CCDC73: variants seen among roughly 807,000 people sequenced by gnomAD.
CCDC73 encodes the protein coiled-coil domain containing 73.
A neutral mutation model predicts 116.5 loss-of-function variants in CCDC73; 95 were observed. That is an observed-to-expected ratio of 0.82 (90% CI 0.69 to 0.97). The LOEUF (loss-of-function observed/expected upper bound fraction) is 0.97. Among genes scored for constraint, CCDC73 ranks in the 50% least tolerant of loss-of-function variants. The pLI is 0.00. For missense variants in CCDC73, 1,066 were observed against 1,206.8 expected (o/e 0.88, Z 1.73); for synonymous variants, 398 against 401.3 (o/e 0.99, Z 0.10).
At chr11:32,734,608 T>C (rs1393796222) in intron 2 of CCDC73, among the ~76,000 whole-genome samples, 1 of 151,932 alleles carries the variant, frequency 6.6e-6, no homozygotes, top group Non-Finnish European at 1.5e-5. Flanking sequence ...TACTTGAGAT[T>C]AGGGAGTGGT....
intron 1 of CCDC73, among the ~76,000 whole-genome samples, chr11:32,775,397 C>T (rs1230062198): frequency 6.6e-6 from 1 of 152,196 alleles, no homozygotes; most frequent in Non-Finnish European, 1.5e-5. Context: ...GTAAGCACCA[C>T]ACCTAATCAC....
chr11:32,629,933 A>C, intron 14 of CCDC73, among the ~76,000 whole-genome samples: 1 of 148,734 alleles, frequency 6.7e-6, no homozygotes, highest in South Asian at 2.1e-4. Context: ...AAAAAAAAAA[A>C]ACAAAAAAAA....
At chr11:32,700,568 G>C (rs1270229258) in intron 5 of CCDC73, among the ~76,000 whole-genome samples, 3 of 152,092 alleles carry the variant, frequency 2.0e-5, no homozygotes, top group Non-Finnish European at 4.4e-5. Flanking sequence ...ATCTTGTTAG[G>C]CCTCTATATT....
In CCDC73 at chr11:32,653,075, T is replaced by C. The variant is rs776042939; in HGVS notation, c.939+48A>G. The C allele has an allele frequency of 1.6e-5, 18 of 1,120,062 alleles. No homozygotes were observed. The Admixed American group carries it at 3.0e-4, about 19-fold the overall frequency. 69.4% of individuals were successfully genotyped at this position (1,120,062 alleles called of 1,614,324 possible). ...AACAGGAAGTTAATTAGTGAAAATA[T>C]ACTAAAACACAGATAGATAGACAGA... On this transcript the variant is annotated intron_variant, in intron 12 of 17. Transcript: ENST00000335185.
At chr11:32,637,704 C>CT (rs1855695477) in intron 13 of CCDC73, among the ~76,000 whole-genome samples, 1 of 151,990 alleles carries the variant, frequency 6.6e-6, no homozygotes, top group Admixed American at 6.6e-5. Context: ...GTTCTTTCTT[C>CT]TTTTTTCTTG....
At chr11:32,775,095 C>T (rs938606217) in intron 1 of CCDC73, among the ~76,000 whole-genome samples, 6 of 152,080 alleles carry the variant, frequency 3.9e-5, no homozygotes, top group Non-Finnish European at 8.8e-5. Flanking sequence ...CATCAATTTA[C>T]CAATAGAACT....
intron 3 of CCDC73, among the ~76,000 whole-genome samples, chr11:32,712,049 C>T (rs1300426754): frequency 6.6e-6 from 1 of 152,146 alleles, no homozygotes; most frequent in Non-Finnish European, 1.5e-5. Flanking sequence ...CTGCGCAATC[C>T]TTGTTATTTA....
At chr11:32,656,723 T>C (rs1855877133) in intron 9 of CCDC73, among the ~76,000 whole-genome samples, 1 of 152,192 alleles carries the variant, frequency 6.6e-6, no homozygotes, top group South Asian at 2.1e-4. Flanking sequence ...TTGTTTGTAA[T>C]CATTTTTCAA....
intron 17 of CCDC73, chr11:32,604,677 T>A (rs1462327002): frequency 6.6e-6 from 1 of 152,188 alleles, no homozygotes; most frequent in Non-Finnish European, 1.5e-5. Context: ...TTCTGGACAT[T>A]TAAATTGTAA....
chr11:32,661,469 G>C (rs1325401893), intron 9 of CCDC73, among the ~76,000 whole-genome samples: 1 of 110,926 alleles, frequency 9.0e-6, no homozygotes, highest in Admixed American at 1.2e-4. Flanking sequence ...CCCCATGACA[G>C]GCTCTAGTGT....
intron 2 of CCDC73, among the ~76,000 whole-genome samples, chr11:32,755,665 A>ATG (rs1418699071): frequency 1.5e-5 from 1 of 66,262 alleles, no homozygotes; most frequent in Non-Finnish European, 2.7e-5. Flanking sequence ...CTCCATATAT[A>ATG]TGTGTATATA....
At chr11:32,623,788 A>G (rs1359826310) in intron 14 of CCDC73, among the ~76,000 whole-genome samples, 2 of 152,196 alleles carry the variant, frequency 1.3e-5, no homozygotes, top group African/African-American at 4.8e-5. Flanking sequence ...GAGATCAAAA[A>G]GTTTTTTTGT....
In CCDC73 at chr11:32,616,116, A is replaced by C; in HGVS notation, c.1199T>G (p.Val400Gly). The stretch of plus-strand genomic sequence containing the variant: ...TGACATTTCACTGTTTTCATTATTT[A>C]CTTCTGGAACATTCTAGTGTAAAAT... ...EDKKFQNVPE[V>G]NNENSEMSTE... is the part of the protein sequence containing the mutation. The change falls in exon 15 of 18, where the codon GTA becomes GGA. Residue 400 changes from valine to glycine, a missense_variant. Physicochemically the swap from Val to Gly is moderately radical, Grantham distance 109. Transcript: ENST00000335185. 6.4e-7 allele frequency: 1 copy of C among 1,574,216 alleles called. No individual in the cohort carries two copies. Among genetic ancestry groups the C allele is most frequent in the South Asian group, 1.2e-5 (1 of 83,256 alleles).
chr11:32,776,044 C>G (rs1363782739), intron 1 of CCDC73, among the ~76,000 whole-genome samples: 1 of 152,146 alleles, frequency 6.6e-6, no homozygotes, highest in Non-Finnish European at 1.5e-5. Context: ...CTTTCTCTCT[C>G]TCTGCTTCTC....
chr11:32,610,011 G>A (rs982029581), intron 17 of CCDC73, among the ~76,000 whole-genome samples: 3 of 149,374 alleles, frequency 2.0e-5, no homozygotes, highest in Admixed American at 6.7e-5. Context: ...GGATGGTCTC[G>A]ATCTCCTGAC....
chr11:32,771,705 C>T (rs573443911), intron 1 of CCDC73, among the ~76,000 whole-genome samples: 9 of 152,190 alleles, frequency 5.9e-5, no homozygotes, highest in Non-Finnish European at 1.0e-4. Flanking sequence ...AGTCTTGGGA[C>T]GAAGGTGAAC....
chr11:32,755,148 A>C (rs988819836), intron 2 of CCDC73, among the ~76,000 whole-genome samples: 1 of 148,216 alleles, frequency 6.7e-6, no homozygotes, highest in African/African-American at 2.5e-5. Flanking sequence ...AGCCTCCCAA[A>C]GTGCTGGGAT....
Position 32,791,484 on chromosome 11 carries a change from A to G in CCDC73, c.-16+3129T>C, listed in dbSNP as rs539111259. On this transcript the variant is annotated intron_variant, in intron 1 of 17. Coordinates refer to ENST00000335185, the MANE Select transcript of CCDC73 (RefSeq NM_001008391.4). ...GTTTAACTTTAATCCGTATTTCCCA[A>G]GTTTACCTTGATCTTGAAACACTTT... 2.6e-5 allele frequency among the ~76,000 whole-genome samples: 4 copies of G among 152,348 alleles called. No homozygotes were observed. The East Asian group carries it at 5.8e-4, about 22-fold the overall frequency.
intron 9 of CCDC73, among the ~76,000 whole-genome samples, chr11:32,666,989 C>G (rs550355966): frequency 6.6e-6 from 1 of 152,184 alleles, no homozygotes; most frequent in Non-Finnish European, 1.5e-5. Flanking sequence ...CGCTCAACAG[C>G]AAATGTTGCT....
Sources: gnomAD v4.1 joint callset for allele counts (sites outside exome capture counted in the v4.1 genomes callset) on GRCh38, gnomAD v4.1.1 for gene constraint, MANE v1.5 for transcripts, NCBI Gene and HGNC (gene_info 2026-07-23, HGNC 2026-07-21) for gene names.